Variants in CFAP97 observed in about 807,000 individuals in gnomAD.
CFAP97 encodes cilia and flagella associated protein 97.
Under a neutral mutation model 43.1 loss-of-function variants are expected in CFAP97, and 36 were observed. The ratio of observed to expected loss-of-function variants is 0.84; its 90% CI spans 0.64 to 1.10. CFAP97 has a LOEUF of 1.10. Among genes scored for constraint, CFAP97 ranks in the 50% least tolerant of loss-of-function variants. CFAP97 has a pLI of 0.00. For synonymous variants in CFAP97, 228 were observed against 225.7 expected (o/e 1.01, Z -0.09); for missense variants, 657 against 620.3 (o/e 1.06, Z -0.63).
upstream of CFAP97, chr4:185,210,069 G>A (rs926422753): frequency 4.1e-6 from 4 of 983,876 alleles, no homozygotes; most frequent in African/African-American, 7.0e-5. This position sits in a 1 kb window ranked among gnomAD's most constrained non-coding sequence, Gnocchi z 4.4. Context: ...GCGGGGAGGC[G>A]GCGGGGGCCG....
intron 1 of CFAP97, among the ~76,000 whole-genome samples, chr4:185,193,083 G>A (rs1736375025): frequency 6.6e-6 from 1 of 151,938 alleles, no homozygotes; most frequent in Non-Finnish European, 1.5e-5. Context: ...AAAACCCCAG[G>A]ACTCCTTCGC....
At chr4:185,164,820 GT>G (rs1735005576) in intron 3 of CFAP97, among the ~76,000 whole-genome samples, 1 of 152,234 alleles carries the variant, frequency 6.6e-6, no homozygotes, top group Non-Finnish European at 1.5e-5. Flanking sequence ...TAGACATGAT[GT>G]AATAGGAGTT....
At chr4:185,176,199 G>A (rs1002735468) in intron 2 of CFAP97, 148 bp from the exon 3 acceptor site, 13 of 670,902 alleles carry the variant, frequency 1.9e-5, no homozygotes, top group East Asian at 5.9e-5. Flanking sequence ...TGCAACCTCC[G>A]CCTCCTGGGT....
At chr4:185,164,352 C>A (rs1734990059) in intron 3 of CFAP97, among the ~76,000 whole-genome samples, 173 bp from the exon 4 acceptor site, 1 of 152,076 alleles carries the variant, frequency 6.6e-6, no homozygotes, top group African/African-American at 2.4e-5. Flanking sequence ...ATCCTCCCAT[C>A]TCAGCCTCTC....
At chr4:185,178,358 C>G (rs1735644489) in intron 2 of CFAP97, among the ~76,000 whole-genome samples, 1 of 149,044 alleles carries the variant, frequency 6.7e-6, no homozygotes, top group Non-Finnish European at 1.5e-5. Context: ...AGCGATTGTC[C>G]TGCCTCAGCC....
chr4:185,164,184 A>G lies in CFAP97; in HGVS notation c.1321-5T>C. The G allele has an allele frequency of 6.2e-7, 1 of 1,612,896 alleles. No individual in the cohort carries two copies. Among genetic ancestry groups the G allele is most frequent in the African/African-American group, 1.3e-5 (1 of 75,038 alleles). On this transcript the variant is annotated splice_polypyrimidine_tract_variant and splice_region_variant and intron_variant, in intron 3 of 4. Coordinates refer to ENST00000458385, the MANE Select transcript of CFAP97 (RefSeq NM_020827.3). Reference sequence around the variant, plus strand: ...CTCAAGCCTTTTCAATAAAGCCTTCAATAAAGACAATTAATTTGAAAGGCA... The same window carrying G: ...CTCAAGCCTTTTCAATAAAGCCTTCGATAAAGACAATTAATTTGAAAGGCA...
intron 3 of CFAP97, among the ~76,000 whole-genome samples, chr4:185,172,714 A>C (rs1249424562): frequency 5.3e-5 from 8 of 152,146 alleles, no homozygotes; most frequent in Non-Finnish European, 1.2e-4. Context: ...TCTAGCAAAC[A>C]GATTAAAAAG....
At chr4:185,209,693 G>A (rs921661348), upstream of CFAP97, 475 of 972,448 alleles carry the variant, frequency 4.9e-4, no homozygotes, top group Non-Finnish European at 5.7e-4. The surrounding 1 kb of genome is among the most constrained non-coding windows in gnomAD (Gnocchi z 5.2). Context: ...AGAGGGGCCC[G>A]GCGGCGTCTG....
chr4:185,188,334 T>TAC (rs1236257229), intron 2 of CFAP97, among the ~76,000 whole-genome samples: 16 of 150,636 alleles, frequency 1.1e-4, no homozygotes, highest in Non-Finnish European at 3.0e-5. Context: ...TATATATATA[T>TAC]ACACATATAT....
intron 2 of CFAP97, 79 bp from the exon 3 acceptor site, chr4:185,176,130 T>TTTTTTTTTTG (rs1560860378): frequency 8.7e-7 from 1 of 1,146,398 alleles, no homozygotes. Flanking sequence ...TTTCTCTTTT[T>TTTTTTTTTTG]AGACGGAGTT....
intron 1 of CFAP97, among the ~76,000 whole-genome samples, chr4:185,202,538 A>T (rs1002077308): frequency 1.3e-5 from 2 of 149,638 alleles, no homozygotes; most frequent in Admixed American, 1.3e-4. Context: ...ACAGAGTGAG[A>T]TCCTATCTCA....
intron 3 of CFAP97, among the ~76,000 whole-genome samples, chr4:185,171,721 C>A (rs1424942175): frequency 6.6e-6 from 1 of 152,078 alleles, no homozygotes; most frequent in Admixed American, 6.6e-5. Context: ...AAGAATATTT[C>A]TTTCTTTTTT....
chr4:185,176,688 C>A (rs1299128036), intron 2 of CFAP97, among the ~76,000 whole-genome samples: 7 of 152,114 alleles, frequency 4.6e-5, no homozygotes, highest in Admixed American at 6.6e-5. Context: ...AGTTTAATAG[C>A]TGGAAAGGTT....
At chr4:185,176,399 CACT>C (rs1235188804) in intron 2 of CFAP97, among the ~76,000 whole-genome samples, 1 of 152,014 alleles carries the variant, frequency 6.6e-6, no homozygotes, top group African/African-American at 2.4e-5. Flanking sequence ...AGGTGTGAGC[CACT>C]GTGCCTGGCC....
At chr4:185,163,993 T>C in intron 4 of CFAP97, 36 bp downstream of exon 4, 1 of 1,581,370 alleles carries the variant, frequency 6.3e-7, no homozygotes. Context: ...GGATACAAGA[T>C]ACAAATAAGT....
chr4:185,210,136 G>C (rs1737500129), upstream of CFAP97: 7 of 983,988 alleles, frequency 7.1e-6, no homozygotes, highest in South Asian at 2.8e-4. This position sits in a 1 kb window ranked among gnomAD's most constrained non-coding sequence, Gnocchi z 4.4. Context: ...CGCGGCGGCC[G>C]CCTTCCTGCT....
chr4:185,205,275 G>A (rs543406270), upstream of CFAP97, among the ~76,000 whole-genome samples: 3 of 152,280 alleles, frequency 2.0e-5, no homozygotes, highest in Admixed American at 2.0e-4. Flanking sequence ...CTAATATGGT[G>A]AAACACTGTC....
At position 185,162,786 on chromosome 4, in the gene CFAP97, TA is replaced by T. The variant is rs1451453148; in HGVS notation, c.*11del. 6.2e-7 allele frequency: 1 copy of T among 1,611,178 alleles called. No homozygotes were observed. The highest frequency in any genetic ancestry group is 8.5e-7 in the Non-Finnish European group (1 of 1,178,864). ...AAAGTTGTGTGAACAATGTTTAAAG[TA>T]AAAAAGTGTTTTATAACCAAGCTGT... On this transcript the variant is annotated 3_prime_UTR_variant, in exon 5 of 5. Coordinates refer to ENST00000458385, the MANE Select transcript of CFAP97 (RefSeq NM_020827.3).
At chr4:185,179,799 T>C (rs1229767008) in intron 2 of CFAP97, among the ~76,000 whole-genome samples, 4 of 152,192 alleles carry the variant, frequency 2.6e-5, no homozygotes, top group African/African-American at 9.7e-5. Context: ...TGTGACAAAA[T>C]ACCTGTGGCC....
Sources: allele counts gnomAD v4.1 joint callset (sites outside exome capture counted in the v4.1 genomes callset), GRCh38; gene constraint gnomAD v4.1.1; non-coding constraint Gnocchi (gnomAD v3.1); transcripts MANE v1.5; gene names NCBI Gene and HGNC (gene_info 2026-07-23, HGNC 2026-07-21).